The following BMPER variants were observed in gnomAD, a reference collection of about 807,000 sequenced individuals.
BMPER encodes BMP-binding endothelial regulator protein.
Under a neutral mutation model 87.3 loss-of-function variants are expected in BMPER, and 45 were observed. That is an observed-to-expected ratio of 0.52 (90% CI 0.41 to 0.66). The LOEUF (loss-of-function observed/expected upper bound fraction) is 0.66, where lower values mean the gene tolerates loss of function less well. BMPER is among the 30% of genes least tolerant of loss of function. The probability of loss-of-function intolerance (pLI) is 0.00; values close to 1 mark genes in which losing one functional copy is unlikely to be tolerated. For synonymous variants in BMPER, 326 were observed against 316.2 expected (o/e 1.03, Z -0.33); for missense variants, 784 against 867.5 (o/e 0.90, Z 1.21).
In BMPER at chr7:34,051,982, C is replaced by T. The variant is rs1788157215; in HGVS notation, c.786+12C>T. On this transcript the variant is annotated intron_variant, in intron 8 of 14. Coordinates refer to ENST00000649409, the MANE Select transcript of BMPER (RefSeq NM_001365308.1). ...CTTGTACCTGCAGGGTAAGGCAGCT[C>T]TGAGAGGCTGTGGTCCAGCAATGAT... is the stretch of plus-strand genomic sequence containing the variant. 6.3e-7 allele frequency: 1 copy of T among 1,598,916 alleles called. No individual in the cohort carries two copies. Among genetic ancestry groups the T allele is most frequent in the African/African-American group, 1.3e-5 (1 of 74,658 alleles).
At chr7:34,081,921 C>G (rs1183948837) in intron 12 of BMPER, among the ~76,000 whole-genome samples, 1 of 152,168 alleles carries the variant, frequency 6.6e-6, no homozygotes, top group Non-Finnish European at 1.5e-5. Context: ...GCAAAAGCAA[C>G]AATAACAACC....
intron 2 of BMPER, among the ~76,000 whole-genome samples, chr7:33,925,792 G>T (rs1784343705): frequency 6.6e-6 from 1 of 152,190 alleles, no homozygotes; most frequent in East Asian, 1.9e-4. Flanking sequence ...CAAAGAAGGA[G>T]ATTCATTTGT....
intron 3 of BMPER, among the ~76,000 whole-genome samples, chr7:33,955,852 A>C (rs73314402): frequency 0.012 from 1,789 of 152,316 alleles, 22 homozygotes; most frequent in African/African-American, 0.041. Context: ...ACAAAATGGC[A>C]TAGACAGAAG....
chr7:34,011,876 A>G (rs986991128), intron 6 of BMPER, among the ~76,000 whole-genome samples: 11 of 151,904 alleles, frequency 7.2e-5, no homozygotes, highest in African/African-American at 2.7e-4. Context: ...GATTTGAGTC[A>G]GCTAGGGTGA....
Position 33,955,827 on chromosome 7 carries a change from G to T in BMPER, c.320-10652G>T, listed in dbSNP as rs1451106885. On this transcript the variant is annotated intron_variant, in intron 3 of 14. Transcript: ENST00000649409. ...ACCCAATTTCAAAGCGTGTAGTACA[G>T]CTACAGTAATAAAGACAAAATGGCA... Among the ~76,000 whole-genome samples the T allele has an allele frequency of 2.6e-5, 4 of 152,274 alleles. No homozygotes were observed. The East Asian group carries it at 7.7e-4, about 29-fold the overall frequency.
At chr7:34,129,048 CTTTTA>C (rs1790478264) in intron 13 of BMPER, among the ~76,000 whole-genome samples, 1 of 152,136 alleles carries the variant, frequency 6.6e-6, no homozygotes, top group African/African-American at 2.4e-5. Context: ...GCTATTAAGA[CTTTTA>C]TTGTATAGTG....
chr7:33,913,932 A>T (rs557990795), intron 2 of BMPER, among the ~76,000 whole-genome samples: 11 of 151,530 alleles, frequency 7.3e-5, no homozygotes, highest in African/African-American at 2.7e-4. Flanking sequence ...TACGTTCATG[A>T]TAGTAATGTA....
intron 8 of BMPER, among the ~76,000 whole-genome samples, chr7:34,054,023 C>T (rs929944336): frequency 6.6e-6 from 1 of 152,202 alleles, no homozygotes; most frequent in Non-Finnish European, 1.5e-5. Context: ...AGGTGTCATT[C>T]AACCTGAGAG....
At chr7:34,095,957 A>G (rs1030039935) in intron 13 of BMPER, among the ~76,000 whole-genome samples, 2 of 152,098 alleles carry the variant, frequency 1.3e-5, no homozygotes, top group Admixed American at 6.5e-5. Flanking sequence ...AATAGAGATA[A>G]TATCTTCACC....
chr7:33,918,687 T>C (rs986137342), intron 2 of BMPER, among the ~76,000 whole-genome samples: 1 of 152,246 alleles, frequency 6.6e-6, no homozygotes, highest in Non-Finnish European at 1.5e-5. Context: ...TGCCATGGGC[T>C]TCTGTTTATG....
intron 6 of BMPER, among the ~76,000 whole-genome samples, chr7:34,009,705 T>C (rs1038306104): frequency 6.6e-6 from 1 of 151,994 alleles, no homozygotes; most frequent in Non-Finnish European, 1.5e-5. Flanking sequence ...GAAAGAGATA[T>C]GATTTAGAAA....
chr7:33,979,993 A>T (rs192810784), intron 6 of BMPER, among the ~76,000 whole-genome samples: 1 of 152,322 alleles, frequency 6.6e-6, no homozygotes, highest in East Asian at 1.9e-4. Context: ...CAGCTGGTCC[A>T]TCTCTATGGC....
chr7:33,959,836 T>G (rs1785227782), intron 3 of BMPER, among the ~76,000 whole-genome samples: 1 of 152,212 alleles, frequency 6.6e-6, no homozygotes, highest in Non-Finnish European at 1.5e-5. Context: ...AGCCACAATT[T>G]CATCACTTTA....
chr7:34,093,527 C>T (rs1789448122), intron 13 of BMPER, among the ~76,000 whole-genome samples: 1 of 152,224 alleles, frequency 6.6e-6, no homozygotes, highest in Admixed American at 6.5e-5. Context: ...GCAGGACATT[C>T]CAGGGGCTTA....
intron 13 of BMPER, among the ~76,000 whole-genome samples, chr7:34,141,191 T>G (rs554580535): frequency 1.3e-5 from 2 of 151,498 alleles, no homozygotes; most frequent in South Asian, 4.2e-4. Context: ...AAGCTTTATT[T>G]GGCTTCTCTT....
intron 1 of BMPER, 91 bp downstream of exon 1, chr7:33,905,837 T>TGGGGG: frequency 2.4e-6 from 1 of 409,724 alleles, no homozygotes; most frequent in Non-Finnish European, 4.8e-6. Context: ...GATGGGAGGG[T>TGGGGG]GGGGAGCGCG....
In BMPER at chr7:33,966,295, A is replaced by C. The variant is rs146539688; in HGVS notation, c.320-184A>C. ...TTCTCAGTAGTCAATGAATTAATGT[A>C]AGTGAATGTCAAGTGGATACTTAGA... On this transcript the variant is annotated intron_variant, in intron 3 of 14. Transcript: ENST00000649409. 2.6e-4 allele frequency among the ~76,000 whole-genome samples: 39 copies of C among 152,348 alleles called. No individual in the cohort carries two copies. The East Asian group carries it at 7.1e-3, about 28-fold the overall frequency.
intron 3 of BMPER, among the ~76,000 whole-genome samples, chr7:33,945,486 A>G (rs904622118): frequency 6.8e-6 from 1 of 145,988 alleles, no homozygotes; most frequent in Non-Finnish European, 1.5e-5. Flanking sequence ...TCCTGATCTC[A>G]AGTGATCCAC....
At chr7:34,114,215 G>A (rs922399857) in intron 13 of BMPER, among the ~76,000 whole-genome samples, 2 of 152,184 alleles carry the variant, frequency 1.3e-5, no homozygotes, top group Non-Finnish European at 2.9e-5. Context: ...CCCTGTGGGG[G>A]CCGAGTCCCC....
Sources: allele counts gnomAD v4.1 joint callset (sites outside exome capture counted in the v4.1 genomes callset), GRCh38; gene constraint gnomAD v4.1.1; transcripts MANE v1.5; gene names NCBI Gene and HGNC (gene_info 2026-07-23, HGNC 2026-07-21).